Variants in NLRP11 observed in about 807,000 individuals in gnomAD.
NLRP11 encodes the protein NLR family pyrin domain containing 11, also known as NACHT, LRR and PYD domains-containing protein 11.
In NLRP11, 53 loss-of-function variants were observed where a neutral mutation model predicts 79.3. The ratio of observed to expected loss-of-function variants is 0.67; its 90% CI spans 0.54 to 0.84. The LOEUF (loss-of-function observed/expected upper bound fraction) is 0.84. Ranked by LOEUF, NLRP11 falls within the 40% of genes least tolerant of loss-of-function variation. NLRP11 has a pLI of 0.00. For synonymous variants in NLRP11, 518 were observed against 462.6 expected, an observed-to-expected ratio of 1.12 and a Z score of -1.54; for missense variants, 1,264 against 1,255.0, an observed-to-expected ratio of 1.01 and a Z score of -0.11.
chr19:55,814,006 T>C (rs1600193970), intron 2 of NLRP11, among the ~76,000 whole-genome samples: 1 of 152,148 alleles, frequency 6.6e-6, no homozygotes, highest in Non-Finnish European at 1.5e-5. Flanking sequence ...TATCAGTCTG[T>C]GGCCTGTTAG....
At chr19:55,813,891 C>T (rs1980839534) in intron 2 of NLRP11, among the ~76,000 whole-genome samples, 1 of 152,102 alleles carries the variant, frequency 6.6e-6, no homozygotes. Context: ...GGGTTCACTT[C>T]CCCCTCATTG....
At chr19:55,806,719 C>T (rs1414482420) in intron 4 of NLRP11, among the ~76,000 whole-genome samples, 3 of 152,140 alleles carry the variant, frequency 2.0e-5, no homozygotes, top group Admixed American at 6.5e-5. Context: ...CACCTCACTC[C>T]AGAAAACCCA....
intron 5 of NLRP11, chr19:55,798,342 A>G (rs1979143891): frequency 1.0e-6 from 1 of 985,080 alleles, no homozygotes; most frequent in Non-Finnish European, 1.2e-6. Flanking sequence ...GAGGGCCTGA[A>G]GATTAAAAGG....
At chr19:55,807,824 T>G (rs1434245487) in intron 4 of NLRP11, 29 bp downstream of exon 4, 1 of 1,520,758 alleles carries the variant, frequency 6.6e-7, no homozygotes, top group Non-Finnish European at 9.0e-7. Flanking sequence ...TAGGGGAACC[T>G]CTAAGGCAGA....
At chr19:55,796,303 T>G in intron 5 of NLRP11, 53 bp from the exon 6 acceptor site, 1 of 1,144,034 alleles carries the variant, frequency 8.7e-7, no homozygotes, top group Non-Finnish European at 1.2e-6. Flanking sequence ...AGCTATCCCC[T>G]CTTTTAAATT....
chr19:55,827,333 ACCATTCAGGACATAGGCATGG>A (rs1982330833), intron 1 of NLRP11, among the ~76,000 whole-genome samples: 1 of 148,860 alleles, frequency 6.7e-6, no homozygotes, highest in Non-Finnish European at 1.5e-5. Context: ...CCTAGGCATG[ACCATTCAGGACATAGGCATGG>A]CCAAGGACTT....
At chr19:55,795,961 C>A in intron 6 of NLRP11, 119 bp downstream of exon 6, 1 of 874,686 alleles carries the variant, frequency 1.1e-6, no homozygotes, top group Non-Finnish European at 1.8e-6. Context: ...ACTCCAAAGA[C>A]TGTGCTTTCG....
chr19:55,824,094 G>C (rs1311848664), intron 1 of NLRP11, among the ~76,000 whole-genome samples: 2 of 114,026 alleles, frequency 1.8e-5, no homozygotes, highest in Admixed American at 8.7e-5. Context: ...CCAGAAGAGA[G>C]TGGGGGCCAA....
intron 2 of NLRP11, among the ~76,000 whole-genome samples, chr19:55,816,203 G>A (rs1360798326): frequency 1.3e-5 from 2 of 152,188 alleles, no homozygotes; most frequent in Non-Finnish European, 2.9e-5. Flanking sequence ...GATATTCCAT[G>A]CCATTGGAAG....
intron 1 of NLRP11, among the ~76,000 whole-genome samples, chr19:55,819,993 C>T (rs1379100605): frequency 6.6e-6 from 1 of 152,064 alleles, no homozygotes; most frequent in Non-Finnish European, 1.5e-5. Context: ...CTCATGATCC[C>T]CCAATAAAGG....
At chr19:55,799,194 G>A (rs1979236207) in intron 5 of NLRP11, among the ~76,000 whole-genome samples, 1 of 152,076 alleles carries the variant, frequency 6.6e-6, no homozygotes, top group African/African-American at 2.4e-5. Context: ...TTGAACCCGG[G>A]AGGCAGAGGT....
upstream of NLRP11, chr19:55,836,570 A>C (rs1169893294): frequency 1.3e-5 from 2 of 152,362 alleles, no homozygotes; most frequent in African/African-American, 4.8e-5. Flanking sequence ...GCGGTGAGTC[A>C]GCGCTTCGTG....
exon 2 of NLRP11, chr19:55,817,914 G>A: frequency 6.2e-7 from 1 of 1,605,436 alleles, no homozygotes; most frequent in Non-Finnish European, 8.5e-7. Context: ...GGTTTCGTCT[G>A]CCAATGATCT....
rs1394763677 is a variant in NLRP11 at position 55,796,766 on chromosome 19, A to G, written c.2172-516T>C. 2.7e-5 allele frequency among the ~76,000 whole-genome samples: 4 copies of G among 150,728 alleles called. No homozygotes were observed. In the East Asian group the frequency reaches 7.8e-4, roughly 29 times the overall value. ...CAATGGTGCGATCTCGGCTCACTGC[A>G]ACCTCTGCCTCCCGGGTTTTTAAGC... On this transcript the variant is annotated intron_variant, in intron 5 of 9. Coordinates refer to ENST00000589093, the Ensembl canonical transcript of NLRP11.
intron 5 of NLRP11, 70 bp from the exon 6 acceptor site, chr19:55,796,320 A>G: frequency 7.9e-7 from 1 of 1,267,120 alleles, no homozygotes; most frequent in Admixed American, 2.3e-5. Context: ...AATTAAAAAA[A>G]AAAAAAAAGA....
In NLRP11 at chr19:55,809,611, C is replaced by A. The variant is rs373613242; in HGVS notation, c.999G>T (p.Val333=). The change falls in exon 3 of 10, where the codon GTG becomes GTT. Residue 333 remains valine, a synonymous_variant. Transcript: ENST00000589093. The surrounding 1 kb of genome is among the most constrained non-coding windows in gnomAD (Gnocchi z 4.5). ...ATAAGATGGCGACTCGGCACAGACCCACGAGTATTTCATCCTCATGTACAA... is the reference window on the plus strand; with the variant it reads ...ATAAGATGGCGACTCGGCACAGACCAACGAGTATTTCATCCTCATGTACAA... 2.1e-5 allele frequency: 34 copies of A among 1,614,062 alleles called. No individual in the cohort carries two copies. Among genetic ancestry groups the A allele is most frequent in the Admixed American group, 3.3e-5 (2 of 60,002 alleles).
intron 7 of NLRP11, 84 bp from the exon 8 acceptor site, chr19:55,789,483 G>A (rs950177692): frequency 6.3e-6 from 8 of 1,265,146 alleles, no homozygotes; most frequent in Admixed American, 2.2e-5. Context: ...TCTTGGACCC[G>A]TCTTGTGACA....
chr19:55,822,104 CAA>C (rs1369351903), intron 1 of NLRP11, among the ~76,000 whole-genome samples: 1 of 151,906 alleles, frequency 6.6e-6, no homozygotes, highest in African/African-American at 2.4e-5. Flanking sequence ...ACTAAAAATA[CAA>C]AAAAATTAGG....
At chr19:55,832,684 A>G (rs775485128), upstream of NLRP11, 3 of 152,242 alleles carry the variant, frequency 2.0e-5, no homozygotes, top group Non-Finnish European at 4.4e-5. Flanking sequence ...GGGAAATATA[A>G]AAGAGTCTAT....
Sources: gnomAD v4.1 joint callset for allele counts (sites outside exome capture counted in the v4.1 genomes callset) on GRCh38, gnomAD v4.1.1 for gene constraint, Gnocchi (gnomAD v3.1) non-coding constraint, MANE v1.5 for transcripts, NCBI Gene and HGNC (gene_info 2026-07-23, HGNC 2026-07-21) for gene names.